Variants in DEFB110 observed in about 807,000 individuals in gnomAD.
DEFB110 encodes the protein defensin beta 110.
Under a neutral mutation model 2.5 loss-of-function variants are expected in DEFB110, and 4 were observed. The observed-to-expected ratio is 1.60, with a 90% CI of 0.79 to 3.66. The LOEUF (loss-of-function observed/expected upper bound fraction) is 3.66, where lower values mean the gene tolerates loss of function less well. Ranked by LOEUF, DEFB110 falls within the 30% of genes most tolerant of loss-of-function variation. The pLI is 0.01. For synonymous variants in DEFB110, 29 were observed against 21.8 expected (o/e 1.33, Z -0.92); for missense variants, 94 against 75.4 (o/e 1.25, Z -0.91).
downstream of DEFB110, among the ~76,000 whole-genome samples, chr6:50,015,182 T>A (rs185493604): frequency 1.6e-3 from 245 of 151,906 alleles, 2 homozygotes; most frequent in African/African-American, 5.6e-3. Context: ...TAGCTCTACA[T>A]TTAACAGATC....
intron 1 of DEFB110, among the ~76,000 whole-genome samples, chr6:50,013,523 A>T (rs1450656584): frequency 6.6e-6 from 1 of 151,836 alleles, no homozygotes; most frequent in Non-Finnish European, 1.5e-5. Flanking sequence ...AACTGATGAT[A>T]TTTTAAGCAT....
At chr6:50,009,225 T>C in exon 2 of DEFB110, 1 of 1,608,298 alleles carries the variant, frequency 6.2e-7, no homozygotes, top group Non-Finnish European at 8.5e-7. Context: ...TTCCTCTCAC[T>C]TTTTCGCATC....
chr6:50,019,659 G>A (rs1039951870), intron 1 of DEFB110, among the ~76,000 whole-genome samples: 6 of 151,710 alleles, frequency 4.0e-5, no homozygotes, highest in Non-Finnish European at 7.4e-5. Flanking sequence ...TCAGACATGT[G>A]TCTAATAACA....
intron 1 of DEFB110, chr6:50,009,309 T>TA (rs1774188100): frequency 6.4e-7 from 1 of 1,553,402 alleles, no homozygotes; most frequent in Non-Finnish European, 8.6e-7. Flanking sequence ...ATTAGTCTAT[T>TA]ATTGATTTGT....
At chr6:50,017,217 G>A (rs1449261433), downstream of DEFB110, among the ~76,000 whole-genome samples, 1 of 151,552 alleles carries the variant, frequency 6.6e-6, no homozygotes, top group Non-Finnish European at 1.5e-5. Flanking sequence ...TCTTTCTGGA[G>A]CCAGCAATAT....
intron 1 of DEFB110, among the ~76,000 whole-genome samples, chr6:50,020,697 C>G (rs1774403613): frequency 6.6e-6 from 1 of 152,112 alleles, no homozygotes; most frequent in Admixed American, 6.6e-5. Context: ...GCTATAAAAC[C>G]AAGTCCTACT....
intron 1 of DEFB110, among the ~76,000 whole-genome samples, chr6:50,013,338 G>A (rs1169665127): frequency 6.6e-6 from 1 of 151,850 alleles, no homozygotes; most frequent in Non-Finnish European, 1.5e-5. Flanking sequence ...GCAAAAAGAT[G>A]TATCCTAAAC....
chr6:50,009,291 CT>C (rs754614329), intron 1 of DEFB110: 3 of 1,582,920 alleles, frequency 1.9e-6, no homozygotes, highest in African/African-American at 2.7e-5. Flanking sequence ...AGAAAAATAT[CT>C]AAAGTTATTA....
chr6:50,011,920 T>C lies in DEFB110; in HGVS notation c.56-2649A>G, dbSNP rs974641025. On this transcript the variant is annotated intron_variant, in intron 1 of 1. Coordinates refer to the DEFB110 transcript ENST00000393660. ...TATGATCTTTCAAAATCAGATAGAA[T>C]TAAGTTTCATGACTGGATATTTTAT... 2.0e-5 allele frequency among the ~76,000 whole-genome samples: 3 copies of C among 152,050 alleles called. No homozygotes were observed. In the East Asian group the frequency reaches 5.8e-4, roughly 29 times the overall value.
chr6:50,021,344 C>T (rs1007032785), intron 1 of DEFB110, among the ~76,000 whole-genome samples: 1 of 152,144 alleles, frequency 6.6e-6, no homozygotes, highest in Admixed American at 6.6e-5. Flanking sequence ...TAGACGTTGC[C>T]TGATGTTCCC....
At chr6:50,016,654 C>T (rs1208342249), downstream of DEFB110, among the ~76,000 whole-genome samples, 1 of 151,578 alleles carries the variant, frequency 6.6e-6, no homozygotes, top group South Asian at 2.1e-4. Context: ...GGCTGAAGAA[C>T]TTCATCAAAA....
chr6:50,010,929 A>G lies in DEFB110; in HGVS notation c.56-1658T>C, dbSNP rs565256732. 8.6e-5 allele frequency among the ~76,000 whole-genome samples: 13 copies of G among 151,834 alleles called. No homozygotes were observed. The East Asian group carries it at 2.5e-3, about 29-fold the overall frequency. ...ACATAGAAATAATAGTAATATTTAA[A>G]ATGTACTAATTTTGTTCTGACTTTC... On this transcript the variant is annotated intron_variant, in intron 1 of 1. Transcript: ENST00000393660.
In DEFB110 at chr6:50,020,025, G is replaced by A. The variant is rs1333932733; in HGVS notation, c.56-900C>T. 8.5e-5 allele frequency among the ~76,000 whole-genome samples: 13 copies of A among 152,200 alleles called. No homozygotes were observed. In the South Asian group the frequency reaches 2.5e-3, roughly 29 times the overall value. Reference sequence around the variant, plus strand: ...TGTCTCACTTATTTCTAGAAAAAGTGTGTTAACTCCTACTCTGGCTTTATA... The same window carrying A: ...TGTCTCACTTATTTCTAGAAAAAGTATGTTAACTCCTACTCTGGCTTTATA... On this transcript the variant is annotated intron_variant, in intron 1 of 1. Coordinates refer to ENST00000371148, the MANE Select transcript of DEFB110 (RefSeq NM_001037497.2).
Position 50,020,733 on chromosome 6 carries a change from T to C in DEFB110, c.55+1148A>G, listed in dbSNP as rs376777104. Among the ~76,000 whole-genome samples, 87 of 152,308 alleles carry C rather than the reference T, an allele frequency of 5.7e-4. 2 individuals are homozygous for C. In the South Asian group the frequency reaches 0.018, roughly 32 times the overall value. On this transcript the variant is annotated intron_variant, in intron 1 of 1. Coordinates refer to ENST00000371148, the MANE Select transcript of DEFB110 (RefSeq NM_001037497.2). Reference sequence around the variant, plus strand: ...ATTAATATTGGCTTTCTTCTCAATGTAACCAAAGCAATTCAGAGTATGAAG... The same window carrying C: ...ATTAATATTGGCTTTCTTCTCAATGCAACCAAAGCAATTCAGAGTATGAAG...
rs1774228788 is a variant in DEFB110, at chr6:50,011,557, T to C, written c.56-2286A>G. ...CAACACAATCCTGCATACACACAGA[T>C]GGGGACAAATCTGTTCGAAAGCTAG... On this transcript the variant is annotated intron_variant, in intron 1 of 1. Transcript: ENST00000393660. Among the ~76,000 whole-genome samples, 2 of 151,996 alleles carry C rather than the reference T, an allele frequency of 1.3e-5. 1 individual carries two copies. The highest frequency in any genetic ancestry group is 4.1e-4 in the South Asian group (2 of 4,826).
At chr6:50,009,423 G>T in intron 1 of DEFB110, 3 of 759,316 alleles carry the variant, frequency 4.0e-6, no homozygotes, top group Non-Finnish European at 6.1e-6. Flanking sequence ...CAGAATTTAT[G>T]AATCATTTCA....
At chr6:50,013,083 G>A (rs984001045) in intron 1 of DEFB110, among the ~76,000 whole-genome samples, 1 of 151,764 alleles carries the variant, frequency 6.6e-6, no homozygotes, top group African/African-American at 2.4e-5. Context: ...TCTTTTCTAA[G>A]CCAGTTATAT....
At chr6:50,020,219 GT>G (rs149936813) in intron 1 of DEFB110, among the ~76,000 whole-genome samples, 20 of 149,002 alleles carry the variant, frequency 1.3e-4, no homozygotes, top group South Asian at 2.1e-4. Context: ...GAAAAGATAT[GT>G]TTTTTTTTTA....
downstream of DEFB110, among the ~76,000 whole-genome samples, chr6:50,017,760 A>G (rs1159751183): frequency 1.3e-5 from 2 of 151,986 alleles, no homozygotes; most frequent in Non-Finnish European, 2.9e-5. Flanking sequence ...TAGTATAAGC[A>G]TACTTAAATC....
Sources: allele counts gnomAD v4.1 joint callset (sites outside exome capture counted in the v4.1 genomes callset), GRCh38; gene constraint gnomAD v4.1.1; transcripts MANE v1.5; gene names NCBI Gene and HGNC (gene_info 2026-07-23, HGNC 2026-07-21).